Variants in IMPA2 observed in about 807,000 individuals in gnomAD.
The protein encoded by IMPA2 is IMP 2.
In IMPA2, 32 loss-of-function variants were observed where a neutral mutation model predicts 35.1. That is an observed-to-expected ratio of 0.91 (90% CI 0.69 to 1.23). IMPA2 has a LOEUF of 1.23. Among genes scored for constraint, IMPA2 ranks in the 50% most tolerant of loss-of-function variants. The probability of loss-of-function intolerance (pLI) is 0.00; values close to 1 mark genes in which losing one functional copy is unlikely to be tolerated. For missense variants in IMPA2, 334 were observed against 387.6 expected (o/e 0.86, Z 1.16); for synonymous variants, 135 against 160.6 (o/e 0.84, Z 1.20).
chr18:12,015,812 G>A (rs1003251297), intron 5 of IMPA2, among the ~76,000 whole-genome samples: 2 of 152,250 alleles, frequency 1.3e-5, no homozygotes, highest in African/African-American at 4.8e-5. Context: ...CTGGTGGTGA[G>A]GAAGCATGCT....
rs113645308 is a variant in IMPA2, at chr18:11,997,426, G to A, written c.97-1628G>A. ...ACCCAGTGGACATGGCTATGTGGAC[G>A]CTGTATGCTTTTTTTGGTATGACCT... is the stretch of plus-strand genomic sequence containing the variant. On this transcript the variant is annotated intron_variant, in intron 1 of 7. Transcript: ENST00000269159. Among the ~76,000 whole-genome samples the A allele has an allele frequency of 7.7e-3, 1,174 of 152,342 alleles. 10 individuals carry two copies. Among genetic ancestry groups the A allele is most frequent in the South Asian group, 0.023 (109 of 4,830 alleles).
intron 2 of IMPA2, among the ~76,000 whole-genome samples, chr18:12,001,639 AG>A (rs1238290045): frequency 6.6e-6 from 1 of 152,200 alleles, no homozygotes; most frequent in Non-Finnish European, 1.5e-5. Flanking sequence ...TTATGGGGTG[AG>A]CACAGGTACC....
At chr18:12,019,005 T>C (rs1252935637) in intron 5 of IMPA2, among the ~76,000 whole-genome samples, 3 of 151,768 alleles carry the variant, frequency 2.0e-5, no homozygotes, top group African/African-American at 7.3e-5. Flanking sequence ...AAAAATATTT[T>C]TGTAGAGACA....
chr18:11,990,075 G>A (rs531000298), intron 1 of IMPA2, among the ~76,000 whole-genome samples: 2 of 152,286 alleles, frequency 1.3e-5, no homozygotes, highest in South Asian at 2.1e-4. Flanking sequence ...CCTGGTTTGC[G>A]TCTTCTCTCT....
intron 1 of IMPA2, among the ~76,000 whole-genome samples, chr18:11,988,465 G>T (rs748225824): frequency 7.2e-5 from 11 of 152,126 alleles, no homozygotes; most frequent in Non-Finnish European, 1.6e-4. Flanking sequence ...GTCTTGTGTG[G>T]GGCTTTATAG....
Position 12,030,331 on chromosome 18 carries a change from G to C in IMPA2, c.752-12G>C. 2 of 1,610,712 alleles carry C rather than the reference G, an allele frequency of 1.2e-6. No homozygotes were observed. Among genetic ancestry groups the C allele is most frequent in the Middle Eastern group, 1.7e-4 (1 of 6,058 alleles). On this transcript the variant is annotated splice_polypyrimidine_tract_variant and intron_variant, in intron 7 of 7. Coordinates refer to ENST00000269159, the MANE Select transcript of IMPA2 (RefSeq NM_014214.3). ...GTAACCCGGATGCCTGGCTCTCTCTGTCTGTCCCCAGGTGGACCCCTCGAC... is the reference window on the plus strand; with the variant it reads ...GTAACCCGGATGCCTGGCTCTCTCTCTCTGTCCCCAGGTGGACCCCTCGAC...
intron 5 of IMPA2, among the ~76,000 whole-genome samples, chr18:12,025,297 T>C (rs1326096579): frequency 6.6e-6 from 1 of 152,250 alleles, no homozygotes; most frequent in Non-Finnish European, 1.5e-5. Flanking sequence ...TGGTTGCTTC[T>C]AAGTGTTGGC....
At chr18:11,998,773 T>C (rs982240364) in intron 1 of IMPA2, among the ~76,000 whole-genome samples, 1 of 152,156 alleles carries the variant, frequency 6.6e-6, no homozygotes, top group Non-Finnish European at 1.5e-5. Flanking sequence ...TTGAAATAAT[T>C]TCAAGTAATG....
intron 5 of IMPA2, among the ~76,000 whole-genome samples, chr18:12,027,689 C>A (rs144035979): frequency 0.013 from 2,024 of 151,692 alleles, 37 homozygotes; most frequent in African/African-American, 0.045. Context: ...AATCCTCCCA[C>A]CTCAGCCTCC....
Position 12,030,560 on chromosome 18 carries a change from C to T in IMPA2, c.*102C>T. On this transcript the variant is annotated 3_prime_UTR_variant, in exon 8 of 8. Transcript: ENST00000269159. ...ACGCTCCATGCCAGTGGCTCACGCT[C>T]TGCTCCTGGCTACCCCAGAGGGAGT... is the stretch of plus-strand genomic sequence containing the variant. 1.2e-6 allele frequency: 1 copy of T among 808,916 alleles called. No homozygotes were observed. Among genetic ancestry groups the T allele is most frequent in the Non-Finnish European group, 2.1e-6 (1 of 485,900 alleles). The allele number at this position is 808,916 out of a possible 1,614,324, so 50.1% of individuals were successfully genotyped here.
chr18:12,008,254 C>G (rs1907332397), intron 2 of IMPA2: 2 of 483,060 alleles, frequency 4.1e-6, no homozygotes, highest in African/African-American at 3.9e-5. Flanking sequence ...CCTTGGCCTC[C>G]CACAGTGCTG....
intron 2 of IMPA2, among the ~76,000 whole-genome samples, chr18:12,003,671 GAAA>G (rs56354907): frequency 1.7e-4 from 18 of 108,156 alleles, no homozygotes; most frequent in Admixed American, 1.3e-3. Context: ...AAAAGAAAAG[GAAA>G]AAAAAAAAAA....
intron 5 of IMPA2, among the ~76,000 whole-genome samples, chr18:12,017,077 C>T (rs1024378446): frequency 6.6e-6 from 1 of 152,136 alleles, no homozygotes; most frequent in Admixed American, 6.6e-5. Flanking sequence ...TCTATTATGC[C>T]TTGCTGGAAT....
chr18:12,020,751 T>C (rs7238118), intron 5 of IMPA2, among the ~76,000 whole-genome samples: 3,396 of 152,288 alleles, frequency 0.022, 133 homozygotes, highest in African/African-American at 0.077. Context: ...TGTCTTCTTT[T>C]CTGAAATATT....
At chr18:12,005,697 C>T (rs1394844075) in intron 2 of IMPA2, among the ~76,000 whole-genome samples, 2 of 152,312 alleles carry the variant, frequency 1.3e-5, no homozygotes, top group Admixed American at 6.5e-5. Context: ...AGAGCTCCTG[C>T]TCCCGAGTGT....
chr18:12,028,378 A>G, intron 6 of IMPA2: 1 of 549,728 alleles, frequency 1.8e-6, no homozygotes, highest in Non-Finnish European at 3.2e-6. Flanking sequence ...TCTGATCAGA[A>G]TCCATGGAAC....
At chr18:12,020,357 C>G (rs1907695263) in intron 5 of IMPA2, among the ~76,000 whole-genome samples, 1 of 152,106 alleles carries the variant, frequency 6.6e-6, no homozygotes, top group Admixed American at 6.5e-5. Context: ...CCATGTCTGG[C>G]TAATTTGGTA....
At chr18:12,001,277 G>T (rs535637029) in intron 2 of IMPA2, among the ~76,000 whole-genome samples, 2 of 152,222 alleles carry the variant, frequency 1.3e-5, no homozygotes, top group South Asian at 2.1e-4. Context: ...AATAGCAAAA[G>T]AATTTATCAT....
chr18:11,983,635 T>G (rs539066169), intron 1 of IMPA2, among the ~76,000 whole-genome samples: 5 of 152,270 alleles, frequency 3.3e-5, no homozygotes, highest in Admixed American at 2.0e-4. Context: ...AAAGCTTTTT[T>G]TAAACGCTGG....
Sources: gnomAD v4.1 joint callset for allele counts (sites outside exome capture counted in the v4.1 genomes callset) on GRCh38, gnomAD v4.1.1 for gene constraint, MANE v1.5 for transcripts, NCBI Gene and HGNC (gene_info 2026-07-23, HGNC 2026-07-21) for gene names.